PHACTR3: variants seen among roughly 807,000 people sequenced by gnomAD.
PHACTR3 encodes phosphatase and actin regulator 3, also known as protein phosphatase 1, regulatory subunit 123.
In PHACTR3, 16 loss-of-function variants were observed where a neutral mutation model predicts 66.8. That is an observed-to-expected ratio of 0.24 (90% CI 0.16 to 0.36). The LOEUF (loss-of-function observed/expected upper bound fraction) is 0.36, where lower values mean the gene tolerates loss of function less well. PHACTR3 is among the 10% of genes least tolerant of loss of function. The pLI is 1.00. For missense variants in PHACTR3, 647 were observed against 719.9 expected (o/e 0.90, Z 1.16); for synonymous variants, 323 against 292.1 (o/e 1.11, Z -1.08).
intron 1 of PHACTR3, among the ~76,000 whole-genome samples, chr20:59,587,605 C>T (rs980308196): frequency 1.3e-5 from 2 of 152,252 alleles, no homozygotes; most frequent in Non-Finnish European, 2.9e-5. Context: ...CTCTCTGGGT[C>T]TCAGCAGCGC....
chr20:59,641,402 C>T (rs2035099255), intron 1 of PHACTR3, among the ~76,000 whole-genome samples: 2 of 152,008 alleles, frequency 1.3e-5, no homozygotes, highest in South Asian at 2.1e-4. Flanking sequence ...AGTTCTAGTG[C>T]GAGTTTGAAG....
intron 1 of PHACTR3, among the ~76,000 whole-genome samples, chr20:59,724,661 G>C (rs1326843114): frequency 6.6e-6 from 1 of 152,158 alleles, no homozygotes; most frequent in African/African-American, 2.4e-5. Context: ...GGGCCAGTCA[G>C]TTAGCCTTTT....
Position 59,840,409 on chromosome 20 carries a change from C to T in PHACTR3, c.1425C>T (p.Ile475=), listed in dbSNP as rs758574287. The change falls in exon 10 of 13, where the codon ATC becomes ATT. Residue 475 remains isoleucine, a synonymous_variant. Coordinates refer to ENST00000371015, the MANE Select transcript of PHACTR3 (RefSeq NM_080672.5). ...DQTEQEERRE[I]KQRLTRKLNQ... is the part of the protein sequence containing the mutation. ...CAGAGCAGGAAGAAAGAAGAGAAAT[C>T]AAGCAAAGATTGACAAGAAAGGTAG... 26 of 1,612,740 alleles carry T rather than the reference C, an allele frequency of 1.6e-5. No individual in the cohort carries two copies. The highest frequency in any genetic ancestry group is 2.0e-5 in the Non-Finnish European group (23 of 1,179,156).
intron 1 of PHACTR3, among the ~76,000 whole-genome samples, chr20:59,661,937 G>A (rs907781038): frequency 1.1e-4 from 17 of 152,156 alleles, no homozygotes; most frequent in African/African-American, 3.1e-4. Context: ...CTCCTTGTGG[G>A]ATGCCTTGGG....
intron 7 of PHACTR3, among the ~76,000 whole-genome samples, chr20:59,802,682 G>A (rs2041449599): frequency 6.6e-6 from 1 of 152,196 alleles, no homozygotes; most frequent in African/African-American, 2.4e-5. Context: ...GCAGCTATCT[G>A]TGCCACTCTG....
intron 3 of PHACTR3, among the ~76,000 whole-genome samples, chr20:59,750,951 A>AC (rs1332860692): frequency 6.6e-6 from 1 of 152,102 alleles, no homozygotes; most frequent in Non-Finnish European, 1.5e-5. Context: ...GTCTTTTCTC[A>AC]CTGGGTCGAC....
intron 1 of PHACTR3, among the ~76,000 whole-genome samples, chr20:59,685,218 G>T (rs2036818758): frequency 6.6e-6 from 1 of 152,192 alleles, no homozygotes; most frequent in East Asian, 1.9e-4. Context: ...AGCTGGGAAG[G>T]CATCCTGAAG....
chr20:59,768,958 A>G (rs1480972276), intron 5 of PHACTR3, among the ~76,000 whole-genome samples: 2 of 152,182 alleles, frequency 1.3e-5, no homozygotes, highest in Non-Finnish European at 2.9e-5. Context: ...TGGTTCCCCA[A>G]GTAGTATTGG....
At chr20:59,799,890 T>C (rs1374992117) in intron 7 of PHACTR3, among the ~76,000 whole-genome samples, 2 of 152,174 alleles carry the variant, frequency 1.3e-5, no homozygotes, top group African/African-American at 4.8e-5. Context: ...ATCTTTCTGC[T>C]TTCTTTTGGA....
intron 7 of PHACTR3, among the ~76,000 whole-genome samples, chr20:59,786,477 C>A (rs2040918696): frequency 6.6e-6 from 1 of 152,186 alleles, no homozygotes; most frequent in African/African-American, 2.4e-5. Context: ...TCCACAGCAG[C>A]CCAGGGAGCA....
chr20:59,841,595 C>CA, intron 11 of PHACTR3, 60 bp downstream of exon 11: 1 of 1,540,090 alleles, frequency 6.5e-7, no homozygotes, highest in Non-Finnish European at 8.8e-7. Context: ...CAAAATATGT[C>CA]ATGCCAGGGA....
At chr20:59,693,891 C>G (rs377181919) in intron 1 of PHACTR3, among the ~76,000 whole-genome samples, 6 of 152,164 alleles carry the variant, frequency 3.9e-5, no homozygotes, top group African/African-American at 1.4e-4. Context: ...GTCCTAGGCT[C>G]AAATCGGGCC....
intron 1 of PHACTR3, among the ~76,000 whole-genome samples, chr20:59,731,412 CAAT>C (rs1444784859): frequency 5.9e-5 from 9 of 152,206 alleles, no homozygotes; most frequent in Non-Finnish European, 1.3e-4. Context: ...AAAATCATCA[CAAT>C]GATGACAACA....
intron 5 of PHACTR3, among the ~76,000 whole-genome samples, chr20:59,768,987 GC>G (rs1568800162): frequency 1.3e-5 from 2 of 152,218 alleles, no homozygotes; most frequent in Non-Finnish European, 2.9e-5. Context: ...AGAATGTGCT[GC>G]TGGGTGGGTG....
Position 59,842,896 on chromosome 20 carries a change from CAGAA to C in PHACTR3, c.1587+1368_1587+1371del, listed in dbSNP as rs534824712. 4.6e-5 allele frequency among the ~76,000 whole-genome samples: 7 copies of C among 152,104 alleles called. No individual in the cohort carries two copies. In the East Asian group the frequency reaches 1.4e-3, roughly 29 times the overall value. ...AGTCCTAGCCAGAGCAATCGAGCAA[CAGAA>C]AGAAAGGGCATCCAAACTGGAAAAG... On this transcript the variant is annotated intron_variant, in intron 11 of 12. Coordinates refer to ENST00000371015, the MANE Select transcript of PHACTR3 (RefSeq NM_080672.5).
intron 4 of PHACTR3, among the ~76,000 whole-genome samples, chr20:59,759,435 C>T (rs913998055): frequency 3.9e-5 from 6 of 152,158 alleles, no homozygotes; most frequent in South Asian, 2.1e-4. Flanking sequence ...TTCAGGCCTC[C>T]GGATCCCTGT....
intron 1 of PHACTR3, among the ~76,000 whole-genome samples, chr20:59,650,617 C>T (rs1344797382): frequency 6.6e-6 from 1 of 151,850 alleles, no homozygotes; most frequent in African/African-American, 2.4e-5. Flanking sequence ...AGCAATATGA[C>T]CTATCCCGTT....
chr20:59,725,123 G>A (rs2038511824), intron 1 of PHACTR3, among the ~76,000 whole-genome samples: 2 of 151,692 alleles, frequency 1.3e-5, no homozygotes, highest in South Asian at 4.2e-4. Context: ...TGAGTTCAGT[G>A]AGGCTATGCA....
At chr20:59,623,902 C>G (rs1334501203) in intron 1 of PHACTR3, among the ~76,000 whole-genome samples, 1 of 152,174 alleles carries the variant, frequency 6.6e-6, no homozygotes, top group Non-Finnish European at 1.5e-5. Context: ...CAGAGGGTGA[C>G]CCACTGATCT....
Sources: gnomAD v4.1 joint callset for allele counts (sites outside exome capture counted in the v4.1 genomes callset) on GRCh38, gnomAD v4.1.1 for gene constraint, MANE v1.5 for transcripts, NCBI Gene and HGNC (gene_info 2026-07-23, HGNC 2026-07-21) for gene names.